UBR3: variants seen among roughly 807,000 people sequenced by gnomAD.
The protein encoded by UBR3 is E3 ubiquitin-protein ligase UBR3.
In UBR3, 85 loss-of-function variants were observed where a neutral mutation model predicts 243.2. The ratio of observed to expected loss-of-function variants is 0.35; its 90% CI spans 0.29 to 0.42. The LOEUF (loss-of-function observed/expected upper bound fraction) is 0.42. UBR3 is among the 10% of genes least tolerant of loss of function. The pLI is 1.00. For synonymous variants in UBR3, 748 were observed against 799.8 expected (o/e 0.94, Z 1.09); for missense variants, 1,686 against 2,300.8 (o/e 0.73, Z 5.47).
chr2:169,872,113 A>T, intron 1 of UBR3, 123 bp from the exon 2 acceptor site: 1 of 699,326 alleles, frequency 1.4e-6, no homozygotes, highest in Non-Finnish European at 2.1e-6. Flanking sequence ...TTAACCTGGT[A>T]CCTTAAAAAT....
chr2:169,830,049 G>A (rs539566953), intron 1 of UBR3, among the ~76,000 whole-genome samples: 4 of 151,784 alleles, frequency 2.6e-5, no homozygotes, highest in Middle Eastern at 6.8e-3. Context: ...AATCAGTGTC[G>A]TCATTCTATT....
intron 17 of UBR3, among the ~76,000 whole-genome samples, chr2:169,927,995 A>C (rs941883635): frequency 1.3e-5 from 2 of 152,226 alleles, no homozygotes; most frequent in Non-Finnish European, 2.9e-5. Flanking sequence ...TTTTGTGATA[A>C]AAATTCTGGC....
chr2:169,913,562 A>G (rs558316710), intron 10 of UBR3, among the ~76,000 whole-genome samples: 1 of 152,202 alleles, frequency 6.6e-6, no homozygotes, highest in South Asian at 2.1e-4. Context: ...CTTACAGTCC[A>G]CATATGCTCT....
chr2:169,943,769 G>A (rs1311401547), intron 20 of UBR3, among the ~76,000 whole-genome samples: 1 of 152,072 alleles, frequency 6.6e-6, no homozygotes, highest in East Asian at 1.9e-4. Flanking sequence ...AAAGAAAAAT[G>A]AGAATATTTG....
intron 10 of UBR3, among the ~76,000 whole-genome samples, chr2:169,906,999 C>G (rs1192609064): frequency 6.7e-6 from 1 of 149,766 alleles, no homozygotes; most frequent in African/African-American, 2.4e-5. Context: ...AGATGACTTA[C>G]AGCCTTGTTA....
chr2:170,006,001 T>C (rs183812936), intron 27 of UBR3, among the ~76,000 whole-genome samples: 10 of 152,202 alleles, frequency 6.6e-5, no homozygotes, highest in Non-Finnish European at 1.3e-4. Flanking sequence ...TGAGAGGGTT[T>C]CTGGGGGTGC....
intron 5 of UBR3, among the ~76,000 whole-genome samples, chr2:169,888,807 G>C (rs957272029): frequency 6.6e-6 from 1 of 152,016 alleles, no homozygotes; most frequent in Non-Finnish European, 1.5e-5. Flanking sequence ...AATAGTTTTT[G>C]AACATCTGTT....
chr2:170,049,041 G>C (rs1318309900), intron 32 of UBR3, among the ~76,000 whole-genome samples: 1 of 152,092 alleles, frequency 6.6e-6, no homozygotes, highest in Non-Finnish European at 1.5e-5. Flanking sequence ...ACAACACAGA[G>C]GCTAAGGGTG....
At chr2:169,866,831 G>C (rs2083281997) in intron 1 of UBR3, among the ~76,000 whole-genome samples, 1 of 152,174 alleles carries the variant, frequency 6.6e-6, no homozygotes, top group South Asian at 2.1e-4. Context: ...TCTGCCTTGA[G>C]GACCAAGGAA....
chr2:170,064,118 T>G (rs1479577356), intron 35 of UBR3, among the ~76,000 whole-genome samples: 1 of 152,206 alleles, frequency 6.6e-6, no homozygotes, highest in Admixed American at 6.5e-5. Context: ...ATTTCATATA[T>G]TCATATACTT....
At position 169,829,621 on chromosome 2, in the gene UBR3, C is replaced by T. The variant is rs1240461597; in HGVS notation, c.545+1569C>T. ...TATTTTTTTAGTAGAGACAGGGTTTCTCCATGTCGGTCAGGCTAGTCCCGA... is the reference window on the plus strand; with the variant it reads ...TATTTTTTTAGTAGAGACAGGGTTTTTCCATGTCGGTCAGGCTAGTCCCGA... On this transcript the variant is annotated intron_variant, in intron 1 of 38. Coordinates refer to ENST00000272793, the MANE Select transcript of UBR3 (RefSeq NM_172070.4). Among the ~76,000 whole-genome samples, 3 of 152,046 alleles carry T rather than the reference C, an allele frequency of 2.0e-5. No individual in the cohort carries two copies. In the East Asian group the frequency reaches 5.8e-4, roughly 29 times the overall value.
intron 26 of UBR3, among the ~76,000 whole-genome samples, chr2:169,998,065 T>G (rs187605650): frequency 6.6e-6 from 1 of 151,846 alleles, no homozygotes; most frequent in Admixed American, 6.5e-5. Context: ...TTATCATTTT[T>G]AATTAGACCT....
intron 36 of UBR3, among the ~76,000 whole-genome samples, chr2:170,076,990 A>G (rs2091823883): frequency 6.6e-6 from 1 of 152,240 alleles, no homozygotes; most frequent in Admixed American, 6.5e-5. Context: ...TTGTGATGTT[A>G]TAAACCGTAC....
intron 32 of UBR3, 78 bp downstream of exon 32, chr2:170,041,063 C>A: frequency 1.4e-6 from 2 of 1,394,222 alleles, no homozygotes; most frequent in Non-Finnish European, 9.8e-7. Flanking sequence ...GACAAATAGG[C>A]TGGGTGTGGT....
At chr2:169,897,629 T>C (rs1473382663) in intron 8 of UBR3, among the ~76,000 whole-genome samples, 1 of 152,018 alleles carries the variant, frequency 6.6e-6, no homozygotes, top group Non-Finnish European at 1.5e-5. Flanking sequence ...GCCTCCTGAG[T>C]AGCTGGGATA....
chr2:169,836,966 A>T (rs1460693857), intron 1 of UBR3, among the ~76,000 whole-genome samples: 1 of 152,152 alleles, frequency 6.6e-6, no homozygotes, highest in Non-Finnish European at 1.5e-5. Context: ...GTTGTAAACG[A>T]TTTTAAATTA....
At position 169,942,109 on chromosome 2, in the gene UBR3, A is replaced by G. The variant is rs143042950; in HGVS notation, c.2664-384A>G. Among the ~76,000 whole-genome samples the G allele has an allele frequency of 3.4e-4, 52 of 152,304 alleles. No individual in the cohort carries two copies. The East Asian group carries it at 9.8e-3, about 29-fold the overall frequency. ...CTCAAATACGCATTCAAAAGATTAC[A>G]TTTATATTTTATCCAGCTTTTCCAA... On this transcript the variant is annotated intron_variant, in intron 19 of 38. Transcript: ENST00000272793.
intron 2 of UBR3, among the ~76,000 whole-genome samples, chr2:169,874,984 G>T (rs1445773024): frequency 2.5e-5 from 3 of 117,706 alleles, no homozygotes; most frequent in East Asian, 2.4e-4. Flanking sequence ...TTCTTTTTCA[G>T]TTGTTGTCCA....
intron 1 of UBR3, 80 bp downstream of exon 1, chr2:169,828,132 C>G (rs2081804264): frequency 3.0e-6 from 4 of 1,319,046 alleles, no homozygotes; most frequent in Non-Finnish European, 3.9e-6. Flanking sequence ...GCACTGGGAG[C>G]CCACTCTGAG....
Sources: gnomAD v4.1 joint callset for allele counts (sites outside exome capture counted in the v4.1 genomes callset) on GRCh38, gnomAD v4.1.1 for gene constraint, MANE v1.5 for transcripts, NCBI Gene and HGNC (gene_info 2026-07-23, HGNC 2026-07-21) for gene names.